Variants in TNRC6B observed in about 807,000 individuals in gnomAD.
TNRC6B encodes trinucleotide repeat containing adaptor 6B.
Under a neutral mutation model 203.6 loss-of-function variants are expected in TNRC6B, and 52 were observed. The ratio of observed to expected loss-of-function variants is 0.26; its 90% CI spans 0.20 to 0.32. The LOEUF (loss-of-function observed/expected upper bound fraction) is 0.32, where lower values mean the gene tolerates loss of function less well. Among genes scored for constraint, TNRC6B ranks in the 10% least tolerant of loss-of-function variants. The probability of loss-of-function intolerance (pLI) is 1.00; values close to 1 mark genes in which losing one functional copy is unlikely to be tolerated. For synonymous variants in TNRC6B, 838 were observed against 845.7 expected, an observed-to-expected ratio of 0.99 and a Z score of 0.16; for missense variants, 1,923 against 2,286.2, an observed-to-expected ratio of 0.84 and a Z score of 3.24.
intron 1 of TNRC6B, among the ~76,000 whole-genome samples, chr22:40,074,055 G>C (rs2067980761): frequency 7.1e-6 from 1 of 139,968 alleles, no homozygotes; most frequent in African/African-American, 2.9e-5. Flanking sequence ...GGCAATGAGA[G>C]TGAAACTCCA....
chr22:40,307,044 A>G (rs1305175906), intron 15 of TNRC6B, among the ~76,000 whole-genome samples: 2 of 80,580 alleles, frequency 2.5e-5, no homozygotes, highest in South Asian at 1.0e-3. Flanking sequence ...TCTGCTCCCC[A>G]CCCCCACCCT....
chr22:40,164,544 C>T (rs1408184743), intron 4 of TNRC6B, among the ~76,000 whole-genome samples: 2 of 151,010 alleles, frequency 1.3e-5, no homozygotes, highest in African/African-American at 2.4e-5. Context: ...GGGTGGATCA[C>T]CTGAGGTCAG....
chr22:40,283,662 A>G (rs1295120087), intron 11 of TNRC6B, among the ~76,000 whole-genome samples: 2 of 152,152 alleles, frequency 1.3e-5, no homozygotes, highest in East Asian at 1.9e-4. Flanking sequence ...ATTATTGTCC[A>G]TTCCAGATAT....
At chr22:40,283,815 G>T (rs1462441271) in intron 11 of TNRC6B, among the ~76,000 whole-genome samples, 1 of 152,176 alleles carries the variant, frequency 6.6e-6, no homozygotes, top group African/African-American at 2.4e-5. Flanking sequence ...TCTTTTCAAT[G>T]CTTGTTATTA....
chr22:40,061,598 C>T (rs1601791724), intron 1 of TNRC6B, among the ~76,000 whole-genome samples: 1 of 148,734 alleles, frequency 6.7e-6, no homozygotes, highest in Admixed American at 6.6e-5. Context: ...GTTACTTGCT[C>T]ATATATTATT....
chr22:40,142,281 C>T (rs551091452), intron 3 of TNRC6B, among the ~76,000 whole-genome samples: 11 of 150,508 alleles, frequency 7.3e-5, no homozygotes, highest in South Asian at 2.1e-4. Context: ...AGGCTGGTCT[C>T]GAACTCCTGG....
intron 1 of TNRC6B, among the ~76,000 whole-genome samples, chr22:40,059,839 C>T (rs1173859315): frequency 6.8e-6 from 1 of 147,472 alleles, no homozygotes; most frequent in Non-Finnish European, 1.5e-5. Context: ...TTTTTTTCCC[C>T]CCGAGACGGA....
chr22:40,257,879 G>A (rs918822217), intron 3 of TNRC6B, among the ~76,000 whole-genome samples: 1 of 151,058 alleles, frequency 6.6e-6, no homozygotes, highest in Non-Finnish European at 1.5e-5. Flanking sequence ...AAAAATTAGT[G>A]AGGCGTGGTG....
chr22:40,329,174 C>T lies in TNRC6B; in HGVS notation c.*5933C>T, dbSNP rs1187049107. ...ATTGTCAGTCTTCAGACCTCATGGT[C>T]GTTAAGAAAATAGGGAACTCACAAA... is the stretch of plus-strand genomic sequence containing the variant. On this transcript the variant is annotated 3_prime_UTR_variant, in exon 23 of 23. Coordinates refer to ENST00000454349, the MANE Select transcript of TNRC6B (RefSeq NM_001162501.2). 2.0e-5 allele frequency: 3 copies of T among 152,208 alleles called. No individual in the cohort carries two copies. Among genetic ancestry groups the T allele is most frequent in the Non-Finnish European group, 4.4e-5 (3 of 68,040 alleles). 9.4% of individuals were successfully genotyped at this position (152,208 alleles called of 1,614,324 possible).
chr22:40,227,928 T>C (rs994380879), intron 1 of TNRC6B, among the ~76,000 whole-genome samples: 2 of 152,202 alleles, frequency 1.3e-5, no homozygotes, highest in Middle Eastern at 3.2e-3. Context: ...GATAAACTTA[T>C]TTTCTCTCCT....
At chr22:40,242,086 T>C (rs776134404) in intron 1 of TNRC6B, among the ~76,000 whole-genome samples, 5 of 152,146 alleles carry the variant, frequency 3.3e-5, no homozygotes, top group African/African-American at 4.8e-5. Flanking sequence ...TAGTGAAGAA[T>C]AGAAGCCACA....
intron 1 of TNRC6B, among the ~76,000 whole-genome samples, chr22:40,080,186 T>C (rs1336439445): frequency 1.4e-5 from 2 of 145,140 alleles, no homozygotes; most frequent in Non-Finnish European, 3.0e-5. Context: ...TAAGTGATCC[T>C]CCCACCTCAG....
chr22:40,208,125 A>C lies in TNRC6B; in HGVS notation c.5+29985A>C, dbSNP rs575704368. Among the ~76,000 whole-genome samples the C allele has an allele frequency of 1.1e-3, 172 of 150,044 alleles. 2 individuals are homozygous for C. Among genetic ancestry groups the C allele is most frequent in the Middle Eastern group, 0.01 (3 of 290 alleles). On this transcript the variant is annotated intron_variant, in intron 1 of 22. Coordinates refer to ENST00000454349, the MANE Select transcript of TNRC6B (RefSeq NM_001162501.2). ...GGACTCCATCTCAAAAAAAAAAAAA[A>C]AAAAAAACAAAAAAACAAGAAAAAA...
chr22:40,116,779 C>G (rs1379533765), intron 1 of TNRC6B, among the ~76,000 whole-genome samples: 1 of 152,162 alleles, frequency 6.6e-6, no homozygotes, highest in African/African-American at 2.4e-5. Context: ...ATATTAATAA[C>G]CACTTGCCTT....
rs761669346 is a variant in TNRC6B, at chr22:40,326,582, C to T, written c.*3341C>T. Reference sequence around the variant, plus strand: ...TCCATTTGAGACTGAACTGAAATCTCCCCTAGTAATTTTTATTTTTTTAAA... The same window carrying T: ...TCCATTTGAGACTGAACTGAAATCTTCCCTAGTAATTTTTATTTTTTTAAA... On this transcript the variant is annotated 3_prime_UTR_variant, in exon 23 of 23. Transcript: ENST00000454349. 3 of 152,376 alleles carry T rather than the reference C, an allele frequency of 2.0e-5. No homozygotes were observed. Among genetic ancestry groups the T allele is most frequent in the Non-Finnish European group, 2.9e-5 (2 of 68,002 alleles). 9.4% of individuals were successfully genotyped at this position (152,376 alleles called of 1,614,324 possible). A position where few individuals can be genotyped will look rare whatever the true frequency, so the allele number is the denominator to read the frequency against.
At chr22:40,068,054 A>G (rs57066326) in intron 1 of TNRC6B, among the ~76,000 whole-genome samples, 3,973 of 152,224 alleles carry the variant, frequency 0.026, 163 homozygotes, top group African/African-American at 0.083. Context: ...TTTTGGGGGA[A>G]AGAGGTTAAA....
At chr22:40,069,214 A>G (rs2067924870) in intron 1 of TNRC6B, among the ~76,000 whole-genome samples, 1 of 151,800 alleles carries the variant, frequency 6.6e-6, no homozygotes, top group Admixed American at 6.6e-5. Flanking sequence ...CAGCCCTCGC[A>G]CCTCAGCCTC....
intron 8 of TNRC6B, 119 bp from the exon 9 acceptor site, chr22:40,277,880 A>G: frequency 1.3e-6 from 1 of 744,036 alleles, no homozygotes. Flanking sequence ...CATCAAGTTC[A>G]TTTCAGAGAA....
At chr22:40,272,532 G>A (rs2070578891) in intron 6 of TNRC6B, among the ~76,000 whole-genome samples, 1 of 152,180 alleles carries the variant, frequency 6.6e-6, no homozygotes, top group South Asian at 2.1e-4. Context: ...AGGTGCAGAT[G>A]GAAGTTTCCA....
Sources: allele counts gnomAD v4.1 joint callset (sites outside exome capture counted in the v4.1 genomes callset), GRCh38; gene constraint gnomAD v4.1.1; transcripts MANE v1.5; gene names NCBI Gene and HGNC (gene_info 2026-07-23, HGNC 2026-07-21).